ERG: variants seen among roughly 807,000 people sequenced by gnomAD.
ERG encodes transcriptional regulator ERG.
ERG carries 9 observed loss-of-function variants against 55.3 expected under a neutral mutation model. The observed-to-expected ratio is 0.16, with a 90% confidence interval of 0.10 to 0.28. The LOEUF is 0.28. Among genes scored for constraint, ERG ranks in the 10% least tolerant of loss-of-function variants. The pLI is 1.00. For missense variants in ERG, 434 were observed against 631.6 expected, an observed-to-expected ratio of 0.69 and a Z score of 3.35; for synonymous variants, 223 against 237.3, an observed-to-expected ratio of 0.94 and a Z score of 0.55.
At chr21:38,604,148 G>A (rs9974176) in intron 1 of ERG, among the ~76,000 whole-genome samples, 26,354 of 151,428 alleles carry the variant, frequency 0.17, 2,352 homozygotes, top group East Asian at 0.29. Context: ...CAGCTATTCG[G>A]GAGGCTGAGG....
At chr21:38,476,188 C>G (rs375252332) in intron 1 of ERG, among the ~76,000 whole-genome samples, 2 of 152,088 alleles carry the variant, frequency 1.3e-5, no homozygotes, top group African/African-American at 2.4e-5. Context: ...TAGGTGTAGT[C>G]CTTAGGAATG....
chr21:38,370,933 TA>T, the ERG span, among the ~76,000 whole-genome samples: 60 of 144,748 alleles, frequency 4.1e-4, no homozygotes, highest in South Asian at 6.5e-4. Context: ...AAACAGCTTG[TA>T]AAAAAAAAAA....
chr21:38,433,255 C>T (rs998878454), intron 2 of ERG, among the ~76,000 whole-genome samples: 2 of 152,118 alleles, frequency 1.3e-5, no homozygotes, highest in Non-Finnish European at 2.9e-5. Context: ...ACGAGACAGC[C>T]GAGTGGGAGT....
At chr21:38,377,053 T>G (rs737382), downstream of ERG, among the ~76,000 whole-genome samples, 26,644 of 152,214 alleles carry the variant, frequency 0.18, 2,626 homozygotes, top group South Asian at 0.26. Flanking sequence ...CATTCCAATT[T>G]CAAGTCCTGA....
intron 2 of ERG, among the ~76,000 whole-genome samples, chr21:38,536,373 C>T (rs2059710588): frequency 6.6e-6 from 1 of 152,148 alleles, no homozygotes; most frequent in Non-Finnish European, 1.5e-5. Flanking sequence ...AAGAGTCATT[C>T]CATCCCAGGT....
At chr21:38,607,322 G>A (rs898610804) in intron 1 of ERG, among the ~76,000 whole-genome samples, 8 of 152,246 alleles carry the variant, frequency 5.3e-5, no homozygotes, top group African/African-American at 1.4e-4. Context: ...AACCCAGAAA[G>A]GAAAAAAATG....
chr21:38,471,473 T>A (rs533177126), intron 1 of ERG: 1 of 152,328 alleles, frequency 6.6e-6, no homozygotes, highest in Admixed American at 6.5e-5. Flanking sequence ...CTGGAACAGT[T>A]CTTGAGACCA....
At chr21:38,582,181 C>T (rs2060033937) in intron 1 of ERG, among the ~76,000 whole-genome samples, 1 of 152,042 alleles carries the variant, frequency 6.6e-6, no homozygotes, top group Non-Finnish European at 1.5e-5. Context: ...ATAGCGTTTT[C>T]CTGAGTTCTA....
chr21:38,526,022 G>A (rs2059627961), intron 2 of ERG, among the ~76,000 whole-genome samples: 1 of 152,202 alleles, frequency 6.6e-6, no homozygotes, highest in South Asian at 2.1e-4. Flanking sequence ...TGGGGAGTAT[G>A]AACTCAAAGA....
At chr21:38,464,650 T>C (rs1012104356) in intron 1 of ERG, among the ~76,000 whole-genome samples, 1 of 152,098 alleles carries the variant, frequency 6.6e-6, no homozygotes, top group South Asian at 2.1e-4. Flanking sequence ...CGTGCCATGG[T>C]AGTTTGCTGC....
At chr21:38,507,653 G>A (rs768443929) in intron 2 of ERG, among the ~76,000 whole-genome samples, 1 of 152,178 alleles carries the variant, frequency 6.6e-6, no homozygotes, top group Non-Finnish European at 1.5e-5. Context: ...CCCAGAGTTC[G>A]ACTTGAACTT....
At chr21:38,579,838 T>TG in intron 1 of ERG, among the ~76,000 whole-genome samples, 1 of 151,672 alleles carries the variant, frequency 6.6e-6, no homozygotes, top group South Asian at 2.1e-4. Context: ...TTTTTTTTTT[T>TG]GAGACGGAGT....
rs185656190 is a variant in ERG at position 38,382,768 on chromosome 21, C to T, written c.*635G>A. On this transcript the variant is annotated 3_prime_UTR_variant, in exon 10 of 10. Coordinates refer to ENST00000288319, the MANE Select transcript of ERG (RefSeq NM_182918.4). The stretch of plus-strand genomic sequence containing the variant: ...CAGTCCCACCTTTTAGTTCATAGTC[C>T]CGGTAATACTGTAAAGGAGTTGGAA... 1.6e-4 allele frequency: 171 copies of T among 1,066,086 alleles called. No individual in the cohort carries two copies. The Middle Eastern group carries it at 2.5e-3, about 16-fold the overall frequency. 66.0% of individuals were successfully genotyped at this position (1,066,086 alleles called of 1,614,324 possible).
intron 2 of ERG, among the ~76,000 whole-genome samples, chr21:38,525,447 A>G (rs3787911): frequency 0.17 from 26,480 of 152,128 alleles, 2,605 homozygotes; most frequent in African/African-American, 0.27. Context: ...AGCCTGCCAG[A>G]CATCTCTTCC....
At chr21:38,542,010 G>A (rs1008852946) in intron 2 of ERG, among the ~76,000 whole-genome samples, 13 of 152,144 alleles carry the variant, frequency 8.5e-5, no homozygotes, top group South Asian at 2.1e-4. Flanking sequence ...GTTTATTTTC[G>A]TTTTTGTTTT....
At chr21:38,453,592 C>T (rs189712060) in intron 1 of ERG, among the ~76,000 whole-genome samples, 1 of 152,142 alleles carries the variant, frequency 6.6e-6, no homozygotes, top group Non-Finnish European at 1.5e-5. Context: ...TTTAAAGAAT[C>T]GCTTTTTTGG....
intron 1 of ERG, among the ~76,000 whole-genome samples, chr21:38,621,573 A>C (rs77345678): frequency 0.026 from 3,923 of 152,272 alleles, 55 homozygotes; most frequent in East Asian, 0.051. Flanking sequence ...CAGGGACCTG[A>C]AGTCCTCTGA....
intron 1 of ERG, among the ~76,000 whole-genome samples, chr21:38,623,924 A>G (rs534839206): frequency 6.6e-6 from 1 of 152,254 alleles, no homozygotes; most frequent in East Asian, 1.9e-4. Flanking sequence ...TTTCCTCCCA[A>G]GCTAATGTTT....
At chr21:38,394,413 C>T (rs577674856) in intron 6 of ERG, among the ~76,000 whole-genome samples, 3 of 151,184 alleles carry the variant, frequency 2.0e-5, no homozygotes, top group Non-Finnish European at 4.4e-5. Flanking sequence ...AGTGCAGTGG[C>T]GCGATCTCGG....
Sources: allele counts gnomAD v4.1 joint callset (sites outside exome capture counted in the v4.1 genomes callset), GRCh38; gene constraint gnomAD v4.1.1; transcripts MANE v1.5; gene names NCBI Gene and HGNC (gene_info 2026-07-23, HGNC 2026-07-21).